LSAMP: variants seen among roughly 807,000 people sequenced by gnomAD.
LSAMP encodes limbic system-associated membrane protein.
A neutral mutation model predicts 38.6 loss-of-function variants in LSAMP; 7 were observed. That is an observed-to-expected ratio of 0.18 (90% confidence interval 0.10 to 0.34). The LOEUF is 0.34. Among genes scored for constraint, LSAMP ranks in the 10% least tolerant of loss-of-function variants. The pLI is 1.00. For missense variants in LSAMP, 313 were observed against 420.0 expected (o/e 0.75, Z 2.23); for synonymous variants, 154 against 166.8 (o/e 0.92, Z 0.59).
intron 3 of LSAMP, among the ~76,000 whole-genome samples, chr3:115,944,879 A>G (rs1434615156): frequency 6.6e-6 from 1 of 152,108 alleles, no homozygotes. Context: ...CTCACTGTGC[A>G]TTTGCTCAGT....
chr3:116,445,435 C>G lies in LSAMP; in HGVS notation c.-404G>C. On this transcript the variant is annotated 5_prime_UTR_variant, in exon 1 of 7. Coordinates refer to ENST00000490035, the MANE Select transcript of LSAMP (RefSeq NM_002338.5). ...TTTCCCAGGCTGGCGGGCGGGCGGG[C>G]GAGGGAGCCGGCACCAAGCCTGCCA... The G allele has an allele frequency of 2.5e-5, 9 of 362,398 alleles. No individual in the cohort carries two copies. Among genetic ancestry groups the G allele is most frequent in the East Asian group, 4.4e-5 (1 of 22,916 alleles). The allele number at this position is 362,398 out of a possible 1,614,324, so 22.4% of individuals were successfully genotyped here.
intron 1 of LSAMP, among the ~76,000 whole-genome samples, chr3:116,227,761 TAAAC>T (rs1328964205): frequency 2.6e-5 from 4 of 152,120 alleles, no homozygotes; most frequent in Non-Finnish European, 4.4e-5. Flanking sequence ...TATTAAATAA[TAAAC>T]AGAAGAATGG....
At chr3:116,078,420 G>T (rs1467351967) in intron 2 of LSAMP, among the ~76,000 whole-genome samples, 1 of 152,068 alleles carries the variant, frequency 6.6e-6, no homozygotes, top group Non-Finnish European at 1.5e-5. Flanking sequence ...CGCCTCCCGG[G>T]TTCACTCCAT....
At chr3:116,101,558 G>T (rs1167332003) in intron 1 of LSAMP, among the ~76,000 whole-genome samples, 2 of 152,112 alleles carry the variant, frequency 1.3e-5, no homozygotes, top group Non-Finnish European at 2.9e-5. Flanking sequence ...TGTTGAGAAG[G>T]TTCAATAACC....
intron 6 of LSAMP, among the ~76,000 whole-genome samples, chr3:115,829,303 G>C (rs1469935972): frequency 2.6e-5 from 4 of 152,052 alleles, no homozygotes; most frequent in African/African-American, 9.7e-5. Flanking sequence ...TGAAATATTG[G>C]TACAATTATC....
At chr3:116,302,060 C>T (rs1192431761) in intron 1 of LSAMP, among the ~76,000 whole-genome samples, 1 of 152,176 alleles carries the variant, frequency 6.6e-6, no homozygotes, top group Non-Finnish European at 1.5e-5. Flanking sequence ...TACTCATTTA[C>T]TGTAGAGACC....
chr3:115,883,025 G>A (rs1936361356), intron 3 of LSAMP, among the ~76,000 whole-genome samples: 1 of 152,060 alleles, frequency 6.6e-6, no homozygotes, highest in South Asian at 2.1e-4. Flanking sequence ...ATAACTATAT[G>A]GAAGAATTTG....
rs568375635 is a variant in LSAMP, at chr3:116,197,439, G to T, written c.156-110883C>A. The stretch of plus-strand genomic sequence containing the variant: ...GCAATCATGGTTTACAAACTAGTTT[G>T]AAGTATACAAACTCACCTTACTCAG... On this transcript the variant is annotated intron_variant, in intron 1 of 6. Transcript: ENST00000490035. Among the ~76,000 whole-genome samples, 3 of 152,198 alleles carry T rather than the reference G, an allele frequency of 2.0e-5. No homozygotes were observed. The South Asian group carries it at 6.2e-4, about 32-fold the overall frequency.
intron 2 of LSAMP, among the ~76,000 whole-genome samples, chr3:116,040,002 G>A (rs192320912): frequency 0.076 from 11,463 of 151,758 alleles, 1,347 homozygotes; most frequent in African/African-American, 0.26. Flanking sequence ...TTTGGGGGGG[G>A]AAAAAAACTG....
At chr3:115,906,705 G>A (rs991736122) in intron 3 of LSAMP, among the ~76,000 whole-genome samples, 7 of 152,140 alleles carry the variant, frequency 4.6e-5, no homozygotes, top group Non-Finnish European at 8.8e-5. Flanking sequence ...TCTACAAAGC[G>A]TTTGGCACAG....
chr3:116,315,184 C>G (rs997299197), intron 1 of LSAMP, among the ~76,000 whole-genome samples: 1 of 152,152 alleles, frequency 6.6e-6, no homozygotes, highest in Non-Finnish European at 1.5e-5. Flanking sequence ...TTACCCATAT[C>G]CCAGTTTCTA....
intron 1 of LSAMP, among the ~76,000 whole-genome samples, chr3:116,441,621 T>A (rs1353384246): frequency 6.6e-6 from 1 of 152,184 alleles, no homozygotes; most frequent in Non-Finnish European, 1.5e-5. Context: ...AGGAGGTGAA[T>A]CTCTATGGGT....
At chr3:115,934,244 T>C (rs961496039) in intron 3 of LSAMP, among the ~76,000 whole-genome samples, 4 of 151,798 alleles carry the variant, frequency 2.6e-5, no homozygotes, top group African/African-American at 9.7e-5. Context: ...AGTGGTGCCA[T>C]CTTGGCTCAC....
intron 1 of LSAMP, among the ~76,000 whole-genome samples, chr3:116,205,137 C>G (rs2046049050): frequency 6.8e-6 from 1 of 147,856 alleles, no homozygotes; most frequent in Non-Finnish European, 1.5e-5. Flanking sequence ...AAGTTGGATT[C>G]CTAGGTATTT....
At chr3:116,130,637 TAATC>T (rs1559754061) in intron 1 of LSAMP, among the ~76,000 whole-genome samples, 14 of 152,182 alleles carry the variant, frequency 9.2e-5, no homozygotes, top group Admixed American at 3.3e-4. Flanking sequence ...GAATCCAAAA[TAATC>T]TATTCTTATT....
intron 2 of LSAMP, among the ~76,000 whole-genome samples, chr3:116,055,417 T>G (rs888295512): frequency 2.0e-5 from 3 of 152,148 alleles, no homozygotes; most frequent in Non-Finnish European, 2.9e-5. Context: ...TTAACCTTAT[T>G]TGGTAGTTTA....
chr3:115,998,478 G>A (rs997928454), intron 3 of LSAMP, among the ~76,000 whole-genome samples: 2 of 152,024 alleles, frequency 1.3e-5, no homozygotes, highest in African/African-American at 4.8e-5. Flanking sequence ...TGTAATGGGA[G>A]AAGCCCTGAT....
chr3:116,031,538 C>CTTTTTTTTTTTTTT (rs56951507), intron 2 of LSAMP, among the ~76,000 whole-genome samples: 9 of 60,278 alleles, frequency 1.5e-4, no homozygotes, highest in Admixed American at 2.3e-4. Context: ...AGCCTAAATT[C>CTTTTTTTTTTTTTT]TTTTTTTTTT....
intron 1 of LSAMP, among the ~76,000 whole-genome samples, chr3:116,189,954 A>G (rs1448136697): frequency 6.6e-6 from 1 of 152,192 alleles, no homozygotes; most frequent in East Asian, 1.9e-4. Context: ...GTGATTCCAC[A>G]ATGCATATAT....
Sources: allele counts gnomAD v4.1 joint callset (sites outside exome capture counted in the v4.1 genomes callset), GRCh38; gene constraint gnomAD v4.1.1; transcripts MANE v1.5; gene names NCBI Gene and HGNC (gene_info 2026-07-23, HGNC 2026-07-21).